The following CDH2 variants were observed in gnomAD, a reference collection of about 807,000 sequenced individuals.
CDH2 encodes the protein cadherin-2.
Under a neutral mutation model 92.0 loss-of-function variants are expected in CDH2, and 17 were observed. That is an observed-to-expected ratio of 0.18 (90% CI 0.13 to 0.28). The LOEUF is 0.28. CDH2 is among the 10% of genes least tolerant of loss of function. The pLI is 1.00. For synonymous variants in CDH2, 419 were observed against 415.9 expected (o/e 1.01, Z -0.09); for missense variants, 862 against 1,133.1 (o/e 0.76, Z 3.44).
intron 2 of CDH2, among the ~76,000 whole-genome samples, chr18:28,107,893 C>T (rs1599106461): frequency 6.6e-6 from 1 of 152,090 alleles, no homozygotes. Flanking sequence ...AGAAAAACAC[C>T]CTCCCATTCT....
chr18:28,153,060 A>G (rs2016150277), intron 1 of CDH2, among the ~76,000 whole-genome samples: 1 of 152,166 alleles, frequency 6.6e-6, no homozygotes, highest in African/African-American at 2.4e-5. Context: ...AAGAAGCAGA[A>G]AGAATGGGAT....
chr18:28,035,418 T>C (rs1231074927), intron 2 of CDH2, among the ~76,000 whole-genome samples: 1 of 152,034 alleles, frequency 6.6e-6, no homozygotes, highest in African/African-American at 2.4e-5. Context: ...TTTCTCTTGG[T>C]GTTTTCAAAC....
chr18:28,127,894 A>G (rs1274720566), intron 2 of CDH2, among the ~76,000 whole-genome samples: 1 of 152,250 alleles, frequency 6.6e-6, no homozygotes, highest in Non-Finnish European at 1.5e-5. Flanking sequence ...AATACTGGCC[A>G]AGAATGGCAG....
intron 2 of CDH2, among the ~76,000 whole-genome samples, chr18:28,043,906 T>A (rs79254926): frequency 1.5e-4 from 6 of 39,346 alleles, no homozygotes; most frequent in Admixed American, 3.8e-4. Context: ...TTTTTTTTTT[T>A]TTTTTTTTTT....
intron 1 of CDH2, among the ~76,000 whole-genome samples, chr18:28,159,465 G>A (rs996434121): frequency 3.3e-5 from 5 of 152,048 alleles, no homozygotes; most frequent in African/African-American, 1.2e-4. Context: ...CATTTCCCTC[G>A]GTTCAGAATT....
chr18:28,012,984 A>G (rs2013142006), intron 3 of CDH2, among the ~76,000 whole-genome samples: 1 of 152,178 alleles, frequency 6.6e-6, no homozygotes, highest in Non-Finnish European at 1.5e-5. Flanking sequence ...GTGTCCCATC[A>G]TATTTGTTTT....
At chr18:28,014,309 G>A (rs2013182328) in intron 2 of CDH2, among the ~76,000 whole-genome samples, 2 of 152,112 alleles carry the variant, frequency 1.3e-5, no homozygotes, top group Non-Finnish European at 2.9e-5. Flanking sequence ...TCTTCATGTA[G>A]TGATCTGAGC....
intron 2 of CDH2, among the ~76,000 whole-genome samples, chr18:28,032,945 G>A (rs749306062): frequency 1.6e-4 from 24 of 152,060 alleles, no homozygotes; most frequent in Non-Finnish European, 2.6e-4. Flanking sequence ...ATCTCTAAGA[G>A]TTTAAATTTA....
chr18:28,157,432 C>T (rs1457381459), intron 1 of CDH2, among the ~76,000 whole-genome samples: 1 of 152,092 alleles, frequency 6.6e-6, no homozygotes, highest in Non-Finnish European at 1.5e-5. Context: ...TCACAATAAC[C>T]CTATGAGGTA....
Position 28,176,987 on chromosome 18 carries a change from C to T in CDH2, c.36G>A (p.Leu12=). 6.9e-7 allele frequency: 1 copy of T among 1,457,854 alleles called. No homozygotes were observed. The highest frequency in any genetic ancestry group is 9.0e-7 in the Non-Finnish European group (1 of 1,105,296). The allele number at this position is 1,457,854 out of a possible 1,614,324, so 90.3% of individuals were successfully genotyped here. Residue 12 remains leucine (L), a synonymous_variant, in exon 1 of 16, where the codon CTG becomes CTA. Coordinates refer to ENST00000269141, the MANE Select transcript of CDH2 (RefSeq NM_001792.5). ...CRIAGALRTL[L]PLLAALLQAS... is the part of the protein sequence containing the mutation. ...CCTGAAGCAGGGCCGCCAGCAGCGG[C>T]AGCAGGGTCCGCAGCGCTCCCGCTA...
chr18:28,079,127 T>C (rs2014780518), intron 2 of CDH2, among the ~76,000 whole-genome samples: 1 of 152,200 alleles, frequency 6.6e-6, no homozygotes, highest in African/African-American at 2.4e-5. Context: ...GCCATCTAAA[T>C]TGTCTACAAT....
In CDH2 at chr18:28,013,826, T is replaced by C; in HGVS notation, c.256A>G (p.Met86Val). The change falls in exon 3 of 16, where the codon ATG becomes GTG. Residue 86 changes from methionine to valine, a missense_variant. By Grantham distance (21) the Met-to-Val change is conservative. Coordinates refer to ENST00000269141, the MANE Select transcript of CDH2 (RefSeq NM_001792.5). ...GGAAAGCTTCTCACGGCATACACCA[T>C]GCCATCTTCATCCACCTTAAAATCT... is the stretch of plus-strand genomic sequence containing the variant. The part of the protein sequence containing the change: ...PADFKVDEDG[M>V]VYAVRSFPLS... The C allele has an allele frequency of 1.2e-6, 2 of 1,614,058 alleles. No individual in the cohort carries two copies. Among genetic ancestry groups the C allele is most frequent in the Non-Finnish European group, 1.7e-6 (2 of 1,179,956 alleles).
intron 1 of CDH2, among the ~76,000 whole-genome samples, chr18:28,153,739 G>C (rs774229866): frequency 7.9e-5 from 12 of 152,242 alleles, no homozygotes; most frequent in Non-Finnish European, 4.4e-5. Context: ...TAGGGCAGAT[G>C]AGAGGATTAA....
intron 6 of CDH2, among the ~76,000 whole-genome samples, chr18:27,937,301 C>T (rs1416409525): frequency 6.6e-6 from 1 of 152,076 alleles, no homozygotes. Context: ...AAATCTGGAT[C>T]GTAGAATTAG....
At chr18:28,023,294 C>G (rs1410190381) in intron 2 of CDH2, among the ~76,000 whole-genome samples, 1 of 152,062 alleles carries the variant, frequency 6.6e-6, no homozygotes, top group Non-Finnish European at 1.5e-5. Flanking sequence ...GCCACTAGGG[C>G]CAGAGCACCA....
intron 12 of CDH2, 28 bp from the exon 13 acceptor site, chr18:27,985,261 GA>G: frequency 7.8e-7 from 1 of 1,278,340 alleles, no homozygotes. Flanking sequence ...AACATAGTTT[GA>G]TAGGTAATAC....
intron 2 of CDH2, among the ~76,000 whole-genome samples, chr18:28,084,209 T>G (rs1210603703): frequency 6.6e-6 from 1 of 152,188 alleles, no homozygotes; most frequent in African/African-American, 2.4e-5. Context: ...CGTATCACTT[T>G]TATTTTGCCT....
chr18:28,116,312 C>A (rs1416591933), intron 2 of CDH2, among the ~76,000 whole-genome samples: 3 of 152,162 alleles, frequency 2.0e-5, no homozygotes. Context: ...GTTTAATAAT[C>A]AAACAGTTTC....
At chr18:27,947,985 T>C (rs55715105), downstream of CDH2, among the ~76,000 whole-genome samples, 5,085 of 97,716 alleles carry the variant, frequency 0.052, 267 homozygotes, top group Non-Finnish European at 0.095. Context: ...TGGGTTTATA[T>C]TGAAGTTTTT....
Sources: allele counts gnomAD v4.1 joint callset (sites outside exome capture counted in the v4.1 genomes callset), GRCh38; gene constraint gnomAD v4.1.1; transcripts MANE v1.5; gene names NCBI Gene and HGNC (gene_info 2026-07-23, HGNC 2026-07-21).